The following SMYD3 variants were observed in gnomAD, a reference collection of about 807,000 sequenced individuals.
SMYD3 encodes the protein histone-lysine N-methyltransferase SMYD3.
A neutral mutation model predicts 57.7 loss-of-function variants in SMYD3; 36 were observed. The ratio of observed to expected loss-of-function variants is 0.62; its 90% CI spans 0.48 to 0.82. The LOEUF (loss-of-function observed/expected upper bound fraction) is 0.82. SMYD3 is among the 40% of genes least tolerant of loss of function. SMYD3 has a pLI of 0.00. For synonymous variants in SMYD3, 211 were observed against 195.0 expected (o/e 1.08, Z -0.68); for missense variants, 515 against 538.8 (o/e 0.96, Z 0.44).
chr1:246,001,806 GCT>G (rs1257596192), intron 5 of SMYD3, among the ~76,000 whole-genome samples: 2 of 152,090 alleles, frequency 1.3e-5, no homozygotes, highest in African/African-American at 4.8e-5. Flanking sequence ...GAATATCAAT[GCT>G]CTGCCTTTTG....
intron 5 of SMYD3, among the ~76,000 whole-genome samples, chr1:246,282,607 A>G (rs2064477432): frequency 2.0e-5 from 3 of 151,556 alleles, no homozygotes; most frequent in African/African-American, 7.3e-5. Context: ...TTATTTTTCC[A>G]CATCTCTTTT....
intron 5 of SMYD3, among the ~76,000 whole-genome samples, chr1:246,154,926 C>A (rs529760175): frequency 1.3e-5 from 2 of 151,896 alleles, no homozygotes; most frequent in Non-Finnish European, 2.9e-5. Flanking sequence ...GGACTACAGG[C>A]GCCTACCACC....
chr1:246,456,395 G>A (rs926455758), intron 1 of SMYD3, among the ~76,000 whole-genome samples: 6 of 152,122 alleles, frequency 3.9e-5, no homozygotes, highest in African/African-American at 1.4e-4. Context: ...AGGCACACAA[G>A]GTCGAGACCC....
rs557983210 is a variant in SMYD3 at position 245,836,418 on chromosome 1, T to A, written c.1076+22078A>T. 2.0e-5 allele frequency among the ~76,000 whole-genome samples: 3 copies of A among 152,300 alleles called. No homozygotes were observed. In the South Asian group the frequency reaches 6.2e-4, roughly 32 times the overall value. On this transcript the variant is annotated intron_variant, in intron 10 of 11. Coordinates refer to ENST00000490107, the MANE Select transcript of SMYD3 (RefSeq NM_001167740.2). ...ACAATAGCACATTCAGGGCTGGCCATAGGGAGCCGTCTTCGTGCAAGGCAA... is the reference window on the plus strand; with the variant it reads ...ACAATAGCACATTCAGGGCTGGCCAAAGGGAGCCGTCTTCGTGCAAGGCAA...
At chr1:246,291,242 C>T (rs1041293325) in intron 5 of SMYD3, among the ~76,000 whole-genome samples, 3 of 152,268 alleles carry the variant, frequency 2.0e-5, no homozygotes, top group Admixed American at 2.0e-4. Flanking sequence ...AAATAATATT[C>T]GCATACAAAT....
intron 1 of SMYD3, among the ~76,000 whole-genome samples, chr1:246,492,215 A>C (rs1255722379): frequency 2.0e-5 from 3 of 152,184 alleles, no homozygotes; most frequent in Non-Finnish European, 2.9e-5. Context: ...AGACTGAATA[A>C]AAGATGATGA....
intron 8 of SMYD3, among the ~76,000 whole-genome samples, chr1:245,885,196 T>C (rs1488309662): frequency 1.3e-5 from 2 of 152,146 alleles, no homozygotes; most frequent in Admixed American, 6.5e-5. Context: ...GAAGAAACTC[T>C]GGACACATCT....
At position 245,828,529 on chromosome 1, in the gene SMYD3, T is replaced by C. The variant is rs149525326; in HGVS notation, c.1076+29967A>G. Among the ~76,000 whole-genome samples the C allele has an allele frequency of 3.0e-4, 45 of 152,324 alleles. 1 individual carries two copies. The East Asian group carries it at 8.1e-3, about 27-fold the overall frequency. On this transcript the variant is annotated intron_variant, in intron 10 of 11. Transcript: ENST00000490107. ...ATTATGTGCTTATTTTTTGACATTTTAAAAGTTTTATTGTATGTTTAATAG... is the reference window on the plus strand; with the variant it reads ...ATTATGTGCTTATTTTTTGACATTTCAAAAGTTTTATTGTATGTTTAATAG...
At chr1:246,317,124 T>C (rs1197704026) in intron 5 of SMYD3, among the ~76,000 whole-genome samples, 1 of 152,174 alleles carries the variant, frequency 6.6e-6, no homozygotes, top group Non-Finnish European at 1.5e-5. Context: ...TTTAGTAAAA[T>C]AATTGCAGTT....
chr1:246,183,179 T>TA (rs2062581058), intron 5 of SMYD3, among the ~76,000 whole-genome samples: 1 of 152,048 alleles, frequency 6.6e-6, no homozygotes. Flanking sequence ...ACAAAAGTAT[T>TA]GCGAAGTCTG....
At chr1:246,300,424 G>C (rs1176937195) in intron 5 of SMYD3, among the ~76,000 whole-genome samples, 1 of 152,146 alleles carries the variant, frequency 6.6e-6, no homozygotes, top group Non-Finnish European at 1.5e-5. Context: ...TATTACCAAA[G>C]AGATTTCTAA....
At chr1:245,913,564 GCAAAGATTTTATGGCTAAGACCA>G (rs1260836072) in intron 8 of SMYD3, among the ~76,000 whole-genome samples, 6 of 148,170 alleles carry the variant, frequency 4.0e-5, no homozygotes, top group African/African-American at 1.2e-4. Context: ...ATTGGTCTAG[GCAAAGATTTTATGGCTAAGACCA>G]CAAAAGCACA....
chr1:246,434,992 A>G (rs2067349635), intron 1 of SMYD3, among the ~76,000 whole-genome samples: 1 of 152,246 alleles, frequency 6.6e-6, no homozygotes, highest in Non-Finnish European at 1.5e-5. Flanking sequence ...TAAAAAAAGA[A>G]CAAAATCATG....
intron 5 of SMYD3, among the ~76,000 whole-genome samples, chr1:246,191,319 C>G (rs2062735512): frequency 6.6e-6 from 1 of 152,128 alleles, no homozygotes; most frequent in African/African-American, 2.4e-5. Flanking sequence ...GAACCATCAC[C>G]GCAAGCTAGA....
chr1:246,093,565 A>C (rs995628018), intron 5 of SMYD3, among the ~76,000 whole-genome samples: 1 of 152,204 alleles, frequency 6.6e-6, no homozygotes, highest in African/African-American at 2.4e-5. Flanking sequence ...GAGCTAAAAC[A>C]ATTTGAGGTA....
chr1:246,133,888 C>T (rs903541138), intron 5 of SMYD3, among the ~76,000 whole-genome samples: 1 of 152,064 alleles, frequency 6.6e-6, no homozygotes, highest in Non-Finnish European at 1.5e-5. Context: ...TAAAATTATA[C>T]CCTAACATTT....
intron 5 of SMYD3, among the ~76,000 whole-genome samples, chr1:246,291,686 C>T (rs2148594768): frequency 6.6e-6 from 1 of 152,238 alleles, no homozygotes; most frequent in African/African-American, 2.4e-5. Flanking sequence ...TAAGTATAAG[C>T]TTTTATTTTC....
At chr1:246,386,747 G>A (rs960074569) in intron 1 of SMYD3, among the ~76,000 whole-genome samples, 1 of 151,912 alleles carries the variant, frequency 6.6e-6, no homozygotes, top group African/African-American at 2.4e-5. Flanking sequence ...GGTCTCTATA[G>A]ACAATATGAC....
At chr1:246,298,912 A>C (rs2064843300) in intron 5 of SMYD3, among the ~76,000 whole-genome samples, 1 of 152,202 alleles carries the variant, frequency 6.6e-6, no homozygotes, top group South Asian at 2.1e-4. Context: ...AAGAGGCATT[A>C]CTTATATCAC....
Sources: allele counts gnomAD v4.1 joint callset (sites outside exome capture counted in the v4.1 genomes callset), GRCh38; gene constraint gnomAD v4.1.1; transcripts MANE v1.5; gene names NCBI Gene and HGNC (gene_info 2026-07-23, HGNC 2026-07-21).